The following FLT3 variants were observed in gnomAD, a reference collection of about 807,000 sequenced individuals.
FLT3 encodes receptor-type tyrosine-protein kinase FLT3.
In FLT3, 46 loss-of-function variants were observed where a neutral mutation model predicts 126.6. The observed-to-expected ratio is 0.36, with a 90% CI of 0.29 to 0.46. The LOEUF is 0.46. Among genes scored for constraint, FLT3 ranks in the 20% least tolerant of loss-of-function variants. The probability of loss-of-function intolerance (pLI) is 1.00; values close to 1 mark genes in which losing one functional copy is unlikely to be tolerated. For missense variants in FLT3, 1,069 were observed against 1,190.3 expected (o/e 0.90, Z 1.50); for synonymous variants, 404 against 434.4 (o/e 0.93, Z 0.87).
chr13:28,030,639 G>C (rs1325868775), intron 15 of FLT3, among the ~76,000 whole-genome samples: 1 of 152,088 alleles, frequency 6.6e-6, no homozygotes, highest in East Asian at 1.9e-4. Context: ...AGACAAGCGG[G>C]AGAATTGCTG....
chr13:28,064,154 T>C (rs1004217315), intron 2 of FLT3, among the ~76,000 whole-genome samples: 24 of 151,910 alleles, frequency 1.6e-4, no homozygotes, highest in Non-Finnish European at 1.2e-4. Context: ...TGCCAACATA[T>C]ATTACAAGTA....
At chr13:28,075,063 T>G (rs9513032) in intron 1 of FLT3, among the ~76,000 whole-genome samples, 107,363 of 152,112 alleles carry the variant, frequency 0.71, 39,824 homozygotes, top group East Asian at 0.95. Flanking sequence ...CATCTAACCT[T>G]TTTTAATGAG....
At chr13:28,028,735 G>T (rs1269492811) in intron 15 of FLT3, among the ~76,000 whole-genome samples, 2 of 148,508 alleles carry the variant, frequency 1.3e-5, no homozygotes, top group Non-Finnish European at 3.0e-5. Flanking sequence ...ACAATATCCT[G>T]TGTTTTAAGA....
At chr13:28,085,781 T>C (rs987783997) in intron 1 of FLT3, among the ~76,000 whole-genome samples, 1 of 151,982 alleles carries the variant, frequency 6.6e-6, no homozygotes, top group Non-Finnish European at 1.5e-5. Context: ...GGGATTTTTT[T>C]CCCCATCCAT....
intron 1 of FLT3, among the ~76,000 whole-genome samples, chr13:28,083,723 T>C (rs1304736007): frequency 6.6e-6 from 1 of 152,190 alleles, no homozygotes; most frequent in African/African-American, 2.4e-5. Flanking sequence ...AGTATGTGTC[T>C]TTTATTTTTT....
Position 28,037,379 on chromosome 13 carries a change from G to A in FLT3, c.1206-91C>T. ...AGTGTGCATGGGAGGTGTCTTCCTTGAAATGCTCCTCACTTGCTAAAGTTC... is the reference window on the plus strand; with the variant it reads ...AGTGTGCATGGGAGGTGTCTTCCTTAAAATGCTCCTCACTTGCTAAAGTTC... On this transcript the variant is annotated intron_variant, in intron 9 of 23. Transcript: ENST00000241453. The A allele has an allele frequency of 3.9e-6, 3 of 773,006 alleles. No homozygotes were observed. The South Asian group carries it at 4.5e-5, about 12-fold the overall frequency. 47.9% of individuals were successfully genotyped at this position (773,006 alleles called of 1,614,324 possible). A position where few individuals can be genotyped will look rare whatever the true frequency, so the allele number is the denominator to read the frequency against.
Position 28,033,990 on chromosome 13 carries a change from C to A in FLT3, c.1839G>T (p.Gly613=). The change falls in exon 15 of 24, where the codon GGG becomes GGT. Residue 613 remains glycine, a splice_region_variant and synonymous_variant. Transcript: ENST00000241453. ...CAAAAGCACCTGATCCTAGTACCTT[C>A]CCTGCAAAGACAAATGGTGAGTACG... ...WEFPRENLEF[G]KVLGSGAFGK... is the part of the protein sequence containing the mutation. 1.2e-6 allele frequency: 2 copies of A among 1,614,090 alleles called. No individual in the cohort carries two copies. The highest frequency in any genetic ancestry group is 1.7e-6 in the Non-Finnish European group (2 of 1,179,932).
chr13:28,072,409 TA>T (rs1452937527), intron 1 of FLT3, among the ~76,000 whole-genome samples: 6 of 151,950 alleles, frequency 3.9e-5, no homozygotes, highest in Admixed American at 1.3e-4. Flanking sequence ...CTCTTTTTTT[TA>T]AATTGAGACA....
At chr13:28,073,181 T>A (rs921372268) in intron 1 of FLT3, among the ~76,000 whole-genome samples, 3 of 151,670 alleles carry the variant, frequency 2.0e-5, no homozygotes, top group Non-Finnish European at 4.4e-5. Context: ...TCTCTAAAAA[T>A]TTTTTTTAAA....
chr13:28,021,842 A>G (rs1872420532), intron 19 of FLT3, among the ~76,000 whole-genome samples: 1 of 151,232 alleles, frequency 6.6e-6, no homozygotes, highest in South Asian at 2.1e-4. Flanking sequence ...TCCCAGGTTC[A>G]TGCCATTCTC....
At chr13:28,005,130 G>A (rs1046312969) in intron 23 of FLT3, among the ~76,000 whole-genome samples, 1 of 152,208 alleles carries the variant, frequency 6.6e-6, no homozygotes, top group Non-Finnish European at 1.5e-5. Flanking sequence ...GGGAGTTCAG[G>A]ACCAGCCTAG....
chr13:28,035,655 T>C lies in FLT3; in HGVS notation c.1437A>G (p.Thr479=). Residue 479 remains threonine (T), a synonymous_variant, in exon 12 of 24, where the codon ACA becomes ACG. Transcript: ENST00000241453. ...TAGCCTTTCTATTCCAGACTCCTTC[T>C]GTGATCTCTTCTGTGCAGCTGAAAA... ...DKSPNCTEEI[T]EGVWNRKANR... The C allele has an allele frequency of 6.2e-7, 1 of 1,613,736 alleles. No homozygotes were observed. The highest frequency in any genetic ancestry group is 8.5e-7 in the Non-Finnish European group (1 of 1,179,906).
At chr13:28,016,033 T>C (rs992636905) in intron 20 of FLT3, among the ~76,000 whole-genome samples, 3 of 152,030 alleles carry the variant, frequency 2.0e-5, no homozygotes, top group Non-Finnish European at 4.4e-5. Context: ...TGGGTACTAG[T>C]GAATTAGTGA....
intron 4 of FLT3, among the ~76,000 whole-genome samples, chr13:28,055,295 G>T (rs974958094): frequency 6.6e-6 from 1 of 151,996 alleles, no homozygotes; most frequent in African/African-American, 2.4e-5. Context: ...CAATCTTATC[G>T]TCTCCTCAAA....
intron 1 of FLT3, among the ~76,000 whole-genome samples, chr13:28,075,601 T>C (rs1342012923): frequency 3.3e-5 from 5 of 151,714 alleles, no homozygotes; most frequent in Non-Finnish European, 7.4e-5. Flanking sequence ...GGCGCATGCC[T>C]GTAGTCCCAG....
intron 9 of FLT3, 31 bp downstream of exon 9, chr13:28,048,244 A>C: frequency 6.4e-7 from 1 of 1,558,858 alleles, no homozygotes; most frequent in South Asian, 1.2e-5. Context: ...TTATGCTAAA[A>C]ATGGTATCTT....
chr13:28,060,594 A>G (rs2137764681), intron 3 of FLT3, among the ~76,000 whole-genome samples: 1 of 7,648 alleles, frequency 1.3e-4, no homozygotes, highest in East Asian at 0.042. Flanking sequence ...GTTTAACTTA[A>G]TAGACTTGTT....
intron 19 of FLT3, among the ~76,000 whole-genome samples, chr13:28,022,100 C>T (rs374370799): frequency 6.6e-6 from 1 of 151,986 alleles, no homozygotes; most frequent in Non-Finnish European, 1.5e-5. Flanking sequence ...TGCAGTGGTG[C>T]GATCCTAGCT....
In FLT3 at chr13:28,006,081, A is replaced by C. The variant is rs554983118; in HGVS notation, c.2860-1907T>G. Among the ~76,000 whole-genome samples the C allele has an allele frequency of 4.6e-5, 7 of 152,302 alleles. No individual in the cohort carries two copies. In the South Asian group the frequency reaches 1.5e-3, roughly 32 times the overall value. ...CAAGACCAAACTAACCAACATAGCA[A>C]GATCCTGTCTCTAAAAGAAATAAGT... is the stretch of plus-strand genomic sequence containing the variant. On this transcript the variant is annotated intron_variant, in intron 23 of 23. Coordinates refer to ENST00000241453, the MANE Select transcript of FLT3 (RefSeq NM_004119.3).
Sources: gnomAD v4.1 joint callset for allele counts (sites outside exome capture counted in the v4.1 genomes callset) on GRCh38, gnomAD v4.1.1 for gene constraint, MANE v1.5 for transcripts, NCBI Gene and HGNC (gene_info 2026-07-23, HGNC 2026-07-21) for gene names.